The following UBQLN4 variants were observed in gnomAD, a reference collection of about 807,000 sequenced individuals.
The protein encoded by UBQLN4 is ubiquilin-4.
Under a neutral mutation model 60.4 loss-of-function variants are expected in UBQLN4, and 11 were observed. The observed-to-expected ratio is 0.18, with a 90% confidence interval of 0.11 to 0.30. UBQLN4 has a LOEUF of 0.30. Among genes scored for constraint, UBQLN4 ranks in the 10% least tolerant of loss-of-function variants. The pLI is 1.00. For missense variants in UBQLN4, 417 were observed against 795.5 expected, an observed-to-expected ratio of 0.52 and a Z score of 5.72; for synonymous variants, 258 against 313.1, an observed-to-expected ratio of 0.82 and a Z score of 1.86.
intron 6 of UBQLN4, among the ~76,000 whole-genome samples, chr1:156,043,174 T>C (rs1284459252): frequency 6.6e-6 from 1 of 152,200 alleles, no homozygotes; most frequent in Non-Finnish European, 1.5e-5. Flanking sequence ...TTTATGCCTC[T>C]CTGGACTGTT....
At chr1:156,052,498 A>G (rs2102758472) in intron 1 of UBQLN4, among the ~76,000 whole-genome samples, 1 of 152,148 alleles carries the variant, frequency 6.6e-6, no homozygotes, top group African/African-American at 2.4e-5. Context: ...GGCTAATTGT[A>G]TTTTTAGTAG....
chr1:156,042,137 T>C lies in UBQLN4; in HGVS notation c.1350+16A>G. On this transcript the variant is annotated intron_variant, in intron 8 of 10. Transcript: ENST00000368309. ...CCCTTGCCCTCAACCTCCACCCATC[T>C]AGGCTCCTCACTCACCTGCTGCAGG... 1 of 1,606,086 alleles carries C rather than the reference T, an allele frequency of 6.2e-7. No homozygotes were observed. The highest frequency in any genetic ancestry group is 8.5e-7 in the Non-Finnish European group (1 of 1,177,256).
chr1:156,034,825 CTATATATATATATATATATA>C (rs34720108), downstream of UBQLN4, among the ~76,000 whole-genome samples: 189 of 46,386 alleles, frequency 4.1e-3, 8 homozygotes, highest in East Asian at 0.029. Context: ...CCTTAACCTT[CTATATATATATATATATATA>C]TATATATATA....
downstream of UBQLN4, chr1:156,033,376 T>A (rs75852693): frequency 1.1e-3 from 929 of 861,550 alleles, 8 homozygotes; most frequent in African/African-American, 0.016. Context: ...GATTCCAGGT[T>A]TTTTTTGTTT....
In UBQLN4 at chr1:156,050,050, A is replaced by G. The variant is rs1329747258; in HGVS notation, c.741+241T>C. 1.3e-5 allele frequency among the ~76,000 whole-genome samples: 2 copies of G among 152,180 alleles called. No homozygotes were observed. Among genetic ancestry groups the G allele is most frequent in the Non-Finnish European group, 2.9e-5 (2 of 68,034 alleles). On this transcript the variant is annotated intron_variant, in intron 4 of 10. Coordinates refer to ENST00000368309, the MANE Select transcript of UBQLN4 (RefSeq NM_020131.5). This position sits in a 1 kb window ranked among gnomAD's most constrained non-coding sequence, Gnocchi z 4.6. The stretch of plus-strand genomic sequence containing the variant: ...CTTCTCTATGCTCCTAGAGGATCCC[A>G]TGATTATCCTTCTGATAGCAATGGC...
Position 156,036,754 on chromosome 1 carries a change from T to A in UBQLN4, c.*224A>T, listed in dbSNP as rs1572267410. 12 of 1,350,724 alleles carry A rather than the reference T, an allele frequency of 8.9e-6. No homozygotes were observed. Among genetic ancestry groups the A allele is most frequent in the Non-Finnish European group, 1.1e-5 (12 of 1,050,956 alleles). The allele number at this position is 1,350,724 out of a possible 1,614,324, so 83.7% of individuals were successfully genotyped here. On this transcript the variant is annotated 3_prime_UTR_variant, in exon 11 of 11. Coordinates refer to ENST00000368309, the MANE Select transcript of UBQLN4 (RefSeq NM_020131.5). ...GTGAAAACTGTTTAAGTAGCACTGCTCAAGGAGACCAGGAGAGAAGAGTCT... is the reference window on the plus strand; with the variant it reads ...GTGAAAACTGTTTAAGTAGCACTGCACAAGGAGACCAGGAGAGAAGAGTCT...
intron 7 of UBQLN4, chr1:156,042,564 T>C: frequency 1.9e-6 from 2 of 1,049,416 alleles, no homozygotes; most frequent in South Asian, 3.6e-5. Context: ...TCCTCACAAC[T>C]ATAGGAGGTA....
At position 156,036,765 on chromosome 1, in the gene UBQLN4, A is replaced by G; in HGVS notation, c.*213T>C. 7.2e-7 allele frequency: 1 copy of G among 1,383,624 alleles called. No individual in the cohort carries two copies. The highest frequency in any genetic ancestry group is 9.4e-7 in the Non-Finnish European group (1 of 1,068,942). 85.7% of individuals were successfully genotyped at this position (1,383,624 alleles called of 1,614,324 possible). A position where few individuals can be genotyped will look rare whatever the true frequency, so the allele number is the denominator to read the frequency against. ...TTAAGTAGCACTGCTCAAGGAGACC[A>G]GGAGAGAAGAGTCTGTTAGAGACGT... On this transcript the variant is annotated 3_prime_UTR_variant, in exon 11 of 11. Transcript: ENST00000368309.
At chr1:156,040,919 CT>C (rs749270148) in intron 10 of UBQLN4, among the ~76,000 whole-genome samples, 1 of 152,242 alleles carries the variant, frequency 6.6e-6, no homozygotes, top group Non-Finnish European at 1.5e-5. Context: ...TAGGTCATCC[CT>C]GCCCCTCCTG....
At chr1:156,051,685 C>G in intron 2 of UBQLN4, 21 bp downstream of exon 2, 1 of 1,612,076 alleles carries the variant, frequency 6.2e-7, no homozygotes, top group Non-Finnish European at 8.5e-7. Context: ...GAAGCTGGAT[C>G]TGCTCTGCTC....
At chr1:156,042,314 G>A in intron 7 of UBQLN4, 78 bp from the exon 8 acceptor site, 1 of 1,490,464 alleles carries the variant, frequency 6.7e-7, no homozygotes, top group Non-Finnish European at 8.9e-7. Context: ...GACTCCCTGG[G>A]CACCCCCTAC....
intron 1 of UBQLN4, among the ~76,000 whole-genome samples, chr1:156,053,285 C>T (rs983049140): frequency 4.6e-5 from 7 of 152,018 alleles, no homozygotes; most frequent in African/African-American, 9.7e-5. Context: ...CCCGGGCCCC[C>T]ACTCCGGCAC....
intron 6 of UBQLN4, among the ~76,000 whole-genome samples, chr1:156,043,334 G>C (rs184756503): frequency 6.6e-6 from 1 of 152,184 alleles, no homozygotes. Flanking sequence ...GCTGGGGCAG[G>C]AGGGCTGCAG....
In UBQLN4 at chr1:156,036,681, A is replaced by T. The variant is rs2102737430; in HGVS notation, c.*297T>A. 8.9e-7 allele frequency: 1 copy of T among 1,118,740 alleles called. No homozygotes were observed. Among genetic ancestry groups the T allele is most frequent in the East Asian group, 5.4e-5 (1 of 18,366 alleles). The allele number at this position is 1,118,740 out of a possible 1,614,324, so 69.3% of individuals were successfully genotyped here. A position where few individuals can be genotyped will look rare whatever the true frequency, so the allele number is the denominator to read the frequency against. On this transcript the variant is annotated 3_prime_UTR_variant, in exon 11 of 11. Coordinates refer to ENST00000368309, the MANE Select transcript of UBQLN4 (RefSeq NM_020131.5). ...CTGCACAGCCACTGAAAGTTTAAAG[A>T]TTGCAAAAGTGGTGTGGGGCAAGGA...
chr1:156,050,438 C>T lies in UBQLN4; in HGVS notation c.594G>A (p.Gln198=). The change falls in exon 4 of 11, where the codon CAG becomes CAA. Residue 198 remains glutamine (Q), a synonymous_variant. Transcript: ENST00000368309. This position sits in a 1 kb window ranked among gnomAD's most constrained non-coding sequence, Gnocchi z 4.6. ...CCTGGACCAGGGGGTTCTCCATGAT[C>T]TGTGACAGCATCTCAGGATTGGACA... ...QLMSNPEMLS[Q]IMENPLVQDM... 7 of 1,614,010 alleles carry T rather than the reference C, an allele frequency of 4.3e-6. No individual in the cohort carries two copies. The highest frequency in any genetic ancestry group is 5.9e-6 in the Non-Finnish European group (7 of 1,180,022).
downstream of UBQLN4, among the ~76,000 whole-genome samples, chr1:156,033,015 G>A (rs539876365): frequency 1.2e-4 from 19 of 152,288 alleles, no homozygotes; most frequent in African/African-American, 4.1e-4. Context: ...GGCAATGCCC[G>A]TACTCAAGAA....
intron 4 of UBQLN4, among the ~76,000 whole-genome samples, chr1:156,049,428 T>C (rs1454409234): frequency 6.6e-6 from 1 of 152,226 alleles, no homozygotes; most frequent in Non-Finnish European, 1.5e-5. Flanking sequence ...GGGGTGGCTA[T>C]GTCAACCCCG....
intron 10 of UBQLN4, among the ~76,000 whole-genome samples, chr1:156,040,935 C>A (rs982551133): frequency 2.6e-5 from 4 of 152,226 alleles, no homozygotes; most frequent in African/African-American, 9.6e-5. Context: ...CTCCTGCCAG[C>A]CCCTGGCCTT....
At chr1:156,051,462 G>A in intron 2 of UBQLN4, 135 bp from the exon 3 acceptor site, 3 of 1,214,030 alleles carry the variant, frequency 2.5e-6, no homozygotes, top group Non-Finnish European at 3.5e-6. Context: ...GCTGGAGTGG[G>A]GTGATGGCGG....
Sources: allele counts gnomAD v4.1 joint callset (sites outside exome capture counted in the v4.1 genomes callset), GRCh38; gene constraint gnomAD v4.1.1; non-coding constraint Gnocchi (gnomAD v3.1); transcripts MANE v1.5; gene names NCBI Gene and HGNC (gene_info 2026-07-23, HGNC 2026-07-21).